Variants in ATAD2B observed in about 807,000 individuals in gnomAD.
ATAD2B encodes the protein ATPase family AAA domain containing 2B.
In ATAD2B, 40 loss-of-function variants were observed where a neutral mutation model predicts 167.6. The ratio of observed to expected loss-of-function variants is 0.24; its 90% CI spans 0.19 to 0.31. ATAD2B has a LOEUF of 0.31. Among genes scored for constraint, ATAD2B ranks in the 10% least tolerant of loss-of-function variants. The pLI is 1.00. For synonymous variants in ATAD2B, 579 were observed against 596.5 expected, an observed-to-expected ratio of 0.97 and a Z score of 0.43; for missense variants, 1,242 against 1,757.2, an observed-to-expected ratio of 0.71 and a Z score of 5.24.
At chr2:23,702,769 C>T in the ATAD2B span, among the ~76,000 whole-genome samples, 1 of 152,342 alleles carries the variant, frequency 6.6e-6, no homozygotes, top group Non-Finnish European at 1.5e-5. Context: ...GCCATAAGCA[C>T]CTCGAGGGCA....
chr2:23,703,318 C>T, the ATAD2B span: 7 of 1,546,186 alleles, frequency 4.5e-6, no homozygotes, highest in South Asian at 3.6e-5. Flanking sequence ...GAGCTGCCGG[C>T]GTCCTCCAGT....
chr2:23,764,207 A>C (rs1677111849), intron 23 of ATAD2B, among the ~76,000 whole-genome samples: 1 of 152,184 alleles, frequency 6.6e-6, no homozygotes, highest in African/African-American at 2.4e-5. Context: ...ACAGCTTTTA[A>C]ACTGATCTTT....
chr2:23,912,890 G>A lies in ATAD2B; in HGVS notation c.216+13665C>T, dbSNP rs1221862720. 2.6e-5 allele frequency among the ~76,000 whole-genome samples: 4 copies of A among 152,148 alleles called. No homozygotes were observed. In the East Asian group the frequency reaches 7.7e-4, roughly 29 times the overall value. ...CCATGCCTGTAATTTCAGCTACTCGGGAGGCCGAGACAGGAGAATCACTGG... is the reference window on the plus strand; with the variant it reads ...CCATGCCTGTAATTTCAGCTACTCGAGAGGCCGAGACAGGAGAATCACTGG... On this transcript the variant is annotated intron_variant, in intron 1 of 27. Transcript: ENST00000238789.
chr2:23,927,015 T>G lies in ATAD2B; in HGVS notation c.-245A>C, dbSNP rs1282750779. ...CGGCAGCACAGACACTCCGCCGGCTTCGCCCTCCTCAGCGGGAGCCGAGCG... is the reference window on the plus strand; with the variant it reads ...CGGCAGCACAGACACTCCGCCGGCTGCGCCCTCCTCAGCGGGAGCCGAGCG... On this transcript the variant is annotated 5_prime_UTR_variant, in exon 1 of 28. Coordinates refer to ENST00000238789, the MANE Select transcript of ATAD2B (RefSeq NM_017552.4). 1.4e-5 allele frequency: 7 copies of G among 488,130 alleles called. No individual in the cohort carries two copies. The highest frequency in any genetic ancestry group is 2.5e-5 in the Non-Finnish European group (7 of 281,002). The allele number at this position is 488,130 out of a possible 1,614,324, so 30.2% of individuals were successfully genotyped here. A position where few individuals can be genotyped will look rare whatever the true frequency, so the allele number is the denominator to read the frequency against.
chr2:23,834,457 C>T (rs1024224316), intron 13 of ATAD2B, among the ~76,000 whole-genome samples: 34 of 151,836 alleles, frequency 2.2e-4, no homozygotes, highest in African/African-American at 8.0e-4. Context: ...CCATGGTACC[C>T]GGCTTATCAG....
intron 17 of ATAD2B, among the ~76,000 whole-genome samples, chr2:23,812,848 CA>C (rs71402512): frequency 6.1e-4 from 79 of 129,834 alleles, no homozygotes; most frequent in African/African-American, 1.7e-3. Flanking sequence ...GACTCAGTCT[CA>C]AAAAAAAAAA....
the ATAD2B span, among the ~76,000 whole-genome samples, chr2:23,705,665 T>C: frequency 2.0e-5 from 3 of 152,176 alleles, no homozygotes; most frequent in African/African-American, 7.2e-5. Context: ...TCCAGACTGA[T>C]GTGTTCTCTT....
the ATAD2B span, among the ~76,000 whole-genome samples, chr2:23,722,784 T>C: frequency 2.6e-5 from 4 of 151,944 alleles, no homozygotes; most frequent in South Asian, 4.2e-4. Flanking sequence ...TATAATAAAA[T>C]TGACAAAATT....
chr2:23,822,647 G>A (rs1247041377), intron 16 of ATAD2B, among the ~76,000 whole-genome samples: 1 of 151,934 alleles, frequency 6.6e-6, no homozygotes, highest in East Asian at 1.9e-4. Context: ...CGGGCGGGGT[G>A]GCTCACGCCT....
At chr2:23,706,702 C>G in the ATAD2B span, 5 of 1,424,736 alleles carry the variant, frequency 3.5e-6, no homozygotes, top group Non-Finnish European at 4.6e-6. Context: ...GTGGACAAGT[C>G]TGGTGAGGCA....
chr2:23,733,487 T>A, the ATAD2B span, among the ~76,000 whole-genome samples: 1 of 152,230 alleles, frequency 6.6e-6, no homozygotes, highest in African/African-American at 2.4e-5. Flanking sequence ...GTGATCTGAT[T>A]CGTGCTCATG....
At position 23,783,335 on chromosome 2, in the gene ATAD2B, G is replaced by A. The variant is rs532531711; in HGVS notation, c.2974-307C>T. ...GGGCATATCCGGGAAGATAATGTAT[G>A]GGCAAAAGTTCCCAATGAGCATCAA... On this transcript the variant is annotated intron_variant, in intron 21 of 27. Transcript: ENST00000238789. 2.2e-4 allele frequency among the ~76,000 whole-genome samples: 32 copies of A among 147,984 alleles called. No individual in the cohort carries two copies. The Middle Eastern group carries it at 0.01, about 48-fold the overall frequency.
intron 1 of ATAD2B, among the ~76,000 whole-genome samples, chr2:23,904,557 T>G (rs1701251582): frequency 6.6e-6 from 1 of 150,416 alleles, no homozygotes. Context: ...TTTTTTTTCT[T>G]TAAGAAAAGA....
chr2:23,805,645 T>G (rs921893424), intron 18 of ATAD2B, among the ~76,000 whole-genome samples: 1 of 152,216 alleles, frequency 6.6e-6, no homozygotes, highest in South Asian at 2.1e-4. Context: ...GTATATGTAT[T>G]TGAAATGTTA....
the ATAD2B span, among the ~76,000 whole-genome samples, chr2:23,683,149 A>C: frequency 6.6e-6 from 1 of 152,216 alleles, no homozygotes; most frequent in Non-Finnish European, 1.5e-5. Context: ...GCCAGGAAGG[A>C]GTCCTGGCGG....
rs777182013 is a variant in ATAD2B, at chr2:23,762,196, C to G, written c.3394+13G>C. Reference sequence around the variant, plus strand: ...TGTTCTCACTACTGGATAACATGAGCTGAAATACTCACATGCACATTTATT... The same window carrying G: ...TGTTCTCACTACTGGATAACATGAGGTGAAATACTCACATGCACATTTATT... On this transcript the variant is annotated intron_variant, in intron 24 of 27. Transcript: ENST00000238789. 1 of 1,612,460 alleles carries G rather than the reference C, an allele frequency of 6.2e-7. No individual in the cohort carries two copies. The highest frequency in any genetic ancestry group is 8.5e-7 in the Non-Finnish European group (1 of 1,179,110).
intron 24 of ATAD2B, among the ~76,000 whole-genome samples, chr2:23,761,472 TATTCCAAAATCCAAAAAAA>T (rs562833898): frequency 6.6e-5 from 10 of 152,236 alleles, no homozygotes; most frequent in Admixed American, 6.5e-4. Context: ...ACAATGCAAA[TATTCCAAAATCCAAAAAAA>T]ATCCAAAATC....
chr2:23,780,786 G>A (rs898923860), intron 22 of ATAD2B, among the ~76,000 whole-genome samples: 8 of 152,098 alleles, frequency 5.3e-5, no homozygotes, highest in Admixed American at 1.3e-4. Flanking sequence ...TGTAGTCCCA[G>A]CTACTCGGGA....
the ATAD2B span, among the ~76,000 whole-genome samples, chr2:23,739,109 TAACACCCCACTGTC>T: frequency 6.6e-6 from 1 of 152,180 alleles, no homozygotes; most frequent in Non-Finnish European, 1.5e-5. Flanking sequence ...TGGGAGACTT[TAACACCCCACTGTC>T]AACATTAGAC....
Sources: allele counts gnomAD v4.1 joint callset (sites outside exome capture counted in the v4.1 genomes callset), GRCh38; gene constraint gnomAD v4.1.1; transcripts MANE v1.5; gene names NCBI Gene and HGNC (gene_info 2026-07-23, HGNC 2026-07-21).